Variants in DYSF observed in about 807,000 individuals in gnomAD.
DYSF encodes the protein dysferlin, also known as dystrophy-associated fer-1-like 1.
Under a neutral mutation model 274.9 loss-of-function variants are expected in DYSF, and 212 were observed. The observed-to-expected ratio is 0.77, with a 90% confidence interval of 0.69 to 0.86. The LOEUF is 0.86. Among genes scored for constraint, DYSF ranks in the 40% least tolerant of loss-of-function variants. DYSF has a pLI of 0.00. For synonymous variants in DYSF, 1,091 were observed against 1,078.7 expected (o/e 1.01, Z -0.22); for missense variants, 2,666 against 2,783.2 (o/e 0.96, Z 0.95).
intron 1 of DYSF, among the ~76,000 whole-genome samples, chr2:71,454,725 C>T (rs921336582): frequency 1.3e-5 from 2 of 152,218 alleles, no homozygotes; most frequent in African/African-American, 2.4e-5. Flanking sequence ...GTCGTATCTG[C>T]TTTCTATCAT....
Position 71,543,268 on chromosome 2 carries a change from G to A in DYSF, c.1576+4029G>A, listed in dbSNP as rs2090124447. 3.7e-5 allele frequency among the ~76,000 whole-genome samples: 5 copies of A among 136,628 alleles called. 1 individual carries two copies. Among genetic ancestry groups the A allele is most frequent in the African/African-American group, 8.1e-5 (3 of 37,076 alleles). 89.6% of individuals were successfully genotyped at this position (136,628 alleles called of 152,430 possible). A position where few individuals can be genotyped will look rare whatever the true frequency, so the allele number is the denominator to read the frequency against. ...CGCTCCTCACATCCCAGACGGGGCG[G>A]CAGGGCAGAGGCACTCCCCACATCT... is the stretch of plus-strand genomic sequence containing the variant. On this transcript the variant is annotated intron_variant, in intron 17 of 55. Coordinates refer to ENST00000410020, the MANE Select transcript of DYSF (RefSeq NM_001130987.2).
chr2:71,495,799 C>T (rs1218330758), intron 3 of DYSF, among the ~76,000 whole-genome samples: 1 of 152,044 alleles, frequency 6.6e-6, no homozygotes. Context: ...GTCACTGGGG[C>T]AGGGGCTCTG....
intron 45 of DYSF, among the ~76,000 whole-genome samples, chr2:71,663,132 A>G (rs2094931462): frequency 9.5e-6 from 1 of 105,238 alleles, no homozygotes; most frequent in African/African-American, 3.1e-5. Context: ...CTGACCTCTG[A>G]GGTTCTGACT....
intron 1 of DYSF, among the ~76,000 whole-genome samples, chr2:71,455,804 G>T (rs1167477498): frequency 2.0e-5 from 3 of 152,110 alleles, no homozygotes; most frequent in South Asian, 2.1e-4. Context: ...CAGGGGCTTT[G>T]TTTCTGGCTT....
intron 42 of DYSF, among the ~76,000 whole-genome samples, chr2:71,647,984 C>G (rs2094593381): frequency 1.3e-5 from 2 of 152,138 alleles, no homozygotes; most frequent in African/African-American, 4.8e-5. Context: ...AGAGGTGGAG[C>G]TACACAAGAA....
At chr2:71,681,973 G>A (rs190387035) in intron 54 of DYSF, among the ~76,000 whole-genome samples, 1 of 152,194 alleles carries the variant, frequency 6.6e-6, no homozygotes, top group Non-Finnish European at 1.5e-5. Flanking sequence ...TGATGTTAAC[G>A]GGGCCATGAT....
chr2:71,505,989 C>T (rs1291623323), intron 4 of DYSF, among the ~76,000 whole-genome samples: 15 of 152,204 alleles, frequency 9.9e-5, no homozygotes. Context: ...GAGCTTCTGC[C>T]AACCAACCCT....
intron 3 of DYSF, among the ~76,000 whole-genome samples, chr2:71,485,787 A>T (rs67350828): frequency 3.9e-5 from 6 of 152,044 alleles, no homozygotes; most frequent in Non-Finnish European, 7.4e-5. Context: ...AAAGGAAAAA[A>T]CTTCAGGGAA....
intron 51 of DYSF, among the ~76,000 whole-genome samples, chr2:71,671,161 G>A (rs182577950): frequency 6.6e-6 from 1 of 152,296 alleles, no homozygotes; most frequent in Admixed American, 6.5e-5. Flanking sequence ...CTGAAACCAT[G>A]AAACAAAAGA....
chr2:71,517,310 A>G (rs1425360783), intron 10 of DYSF, among the ~76,000 whole-genome samples: 1 of 152,228 alleles, frequency 6.6e-6, no homozygotes, highest in Non-Finnish European at 1.5e-5. Context: ...ATCCACTAAG[A>G]TGCTGCAAAG....
intron 42 of DYSF, among the ~76,000 whole-genome samples, chr2:71,653,776 A>G (rs2094713915): frequency 2.0e-5 from 3 of 152,228 alleles, no homozygotes; most frequent in East Asian, 1.9e-4. Context: ...AGACCTGCAC[A>G]TTGTGCACAT....
intron 36 of DYSF, among the ~76,000 whole-genome samples, chr2:71,606,733 G>A (rs2152867028): frequency 6.6e-6 from 1 of 152,280 alleles, no homozygotes; most frequent in Non-Finnish European, 1.5e-5. Context: ...CGTTTCTGGA[G>A]CGTCTTGGGG....
At chr2:71,460,931 T>C (rs2081255807) in intron 1 of DYSF, among the ~76,000 whole-genome samples, 1 of 123,824 alleles carries the variant, frequency 8.1e-6, no homozygotes, top group African/African-American at 3.4e-5. Context: ...ATCATTGTGA[T>C]AGACAGGAAA....
At chr2:71,547,893 C>G (rs754775005) in intron 17 of DYSF, among the ~76,000 whole-genome samples, 5 of 152,162 alleles carry the variant, frequency 3.3e-5, no homozygotes, top group Admixed American at 1.3e-4. Context: ...GAACTGTGAC[C>G]TTGGCCTCAT....
chr2:71,643,387 G>A (rs2094517531), intron 41 of DYSF, among the ~76,000 whole-genome samples: 1 of 152,180 alleles, frequency 6.6e-6, no homozygotes, highest in Non-Finnish European at 1.5e-5. Context: ...TGGAATAAAG[G>A]CACTTAGTAT....
chr2:71,498,873 G>A (rs554189653), intron 3 of DYSF, among the ~76,000 whole-genome samples: 46 of 152,176 alleles, frequency 3.0e-4, no homozygotes, highest in Non-Finnish European at 6.6e-4. Flanking sequence ...ATTAATAGGA[G>A]GGTTGCTATT....
At chr2:71,509,209 C>A (rs1216267516) in intron 4 of DYSF, among the ~76,000 whole-genome samples, 2 of 152,060 alleles carry the variant, frequency 1.3e-5, no homozygotes, top group African/African-American at 4.8e-5. Flanking sequence ...TGTTGCCCAG[C>A]TGGAATGCAG....
intron 1 of DYSF, among the ~76,000 whole-genome samples, chr2:71,472,489 C>A (rs1324920103): frequency 6.6e-6 from 1 of 152,214 alleles, no homozygotes; most frequent in Non-Finnish European, 1.5e-5. Context: ...TCACTGCAAG[C>A]TCTGCCTCCC....
chr2:71,572,405 G>A (rs1232231814), intron 29 of DYSF, among the ~76,000 whole-genome samples: 1 of 152,218 alleles, frequency 6.6e-6, no homozygotes, highest in African/African-American at 2.4e-5. Context: ...ACACTCAGAT[G>A]CCCATGATTA....
Sources: gnomAD v4.1 joint callset for allele counts (sites outside exome capture counted in the v4.1 genomes callset) on GRCh38, gnomAD v4.1.1 for gene constraint, MANE v1.5 for transcripts, NCBI Gene and HGNC (gene_info 2026-07-23, HGNC 2026-07-21) for gene names.